The following RABGEF1 variants were observed in gnomAD, a reference collection of about 807,000 sequenced individuals.
RABGEF1 encodes the protein rab5 GDP/GTP exchange factor.
A neutral mutation model predicts 57.3 loss-of-function variants in RABGEF1; 26 were observed. The observed-to-expected ratio is 0.45, with a 90% confidence interval of 0.33 to 0.63. The LOEUF is 0.63. Among genes scored for constraint, RABGEF1 ranks in the 20% least tolerant of loss-of-function variants. RABGEF1 has a pLI of 0.02. For missense variants in RABGEF1, 464 were observed against 607.6 expected (o/e 0.76, Z 2.48); for synonymous variants, 185 against 210.7 (o/e 0.88, Z 1.06).
chr7:66,734,690 C>T (rs1442462769), intron 2 of RABGEF1, among the ~76,000 whole-genome samples: 2 of 151,634 alleles, frequency 1.3e-5, no homozygotes, highest in African/African-American at 4.9e-5. Context: ...ACCTTGGCCT[C>T]CTAAACTGCT....
rs1363564575 is a variant in RABGEF1, at chr7:66,690,400, G to A, written c.-873+8142G>A. 4.0e-5 allele frequency among the ~76,000 whole-genome samples: 6 copies of A among 149,286 alleles called. No individual in the cohort carries two copies. The East Asian group carries it at 1.2e-3, about 31-fold the overall frequency. On this transcript the variant is annotated intron_variant and NMD_transcript_variant, in intron 1 of 9. Coordinates refer to the RABGEF1 transcript ENST00000607882. The stretch of plus-strand genomic sequence containing the variant: ...AGGCGTGAGCCATCGCGCCCGGCCT[G>A]ATAAAAAATTCTTAAGTAAACACTG...
intron 2 of RABGEF1, among the ~76,000 whole-genome samples, chr7:66,720,252 C>T (rs1462873522): frequency 6.8e-6 from 1 of 146,634 alleles, no homozygotes; most frequent in African/African-American, 2.5e-5. Flanking sequence ...GGTTGGAGTG[C>T]AGTGGCGCGA....
chr7:66,655,440 G>T, the RABGEF1 span, among the ~76,000 whole-genome samples: 2 of 152,196 alleles, frequency 1.3e-5, no homozygotes, highest in Admixed American at 6.5e-5. Flanking sequence ...GATTAAATAG[G>T]AAATTTTCCC....
At chr7:66,682,027 G>A (rs532296800), upstream of RABGEF1, 89 of 163,926 alleles carry the variant, frequency 5.4e-4, 1 homozygote, top group South Asian at 0.012. Context: ...TTTGGATCCC[G>A]CTCGCACTTC....
the RABGEF1 span, among the ~76,000 whole-genome samples, chr7:66,674,655 G>A: frequency 6.6e-6 from 1 of 151,926 alleles, no homozygotes; most frequent in Non-Finnish European, 1.5e-5. Flanking sequence ...ACAATATGGT[G>A]GATAAATTTC....
At chr7:66,690,805 C>A (rs760169546) in intron 1 of RABGEF1, among the ~76,000 whole-genome samples, 1 of 151,460 alleles carries the variant, frequency 6.6e-6, no homozygotes, top group East Asian at 1.9e-4. Flanking sequence ...TGTATAAGGC[C>A]AGGTGCGGTG....
intron 8 of RABGEF1, among the ~76,000 whole-genome samples, chr7:66,806,613 G>A (rs2129193503): frequency 6.8e-6 from 1 of 148,090 alleles, no homozygotes; most frequent in Middle Eastern, 3.6e-3. Context: ...GGCCCATATA[G>A]AATGAGATTA....
rs766616613 is a variant in RABGEF1, at chr7:66,775,359, C to T, written c.312C>T (p.Phe104=). The stretch of plus-strand genomic sequence containing the variant: ...GCAAGGTTACCACAGTGAAGAAATT[C>T]TTCAGTGCATCTTCCAGGGTCGGAT... ...KTRKVTTVKK[F]FSASSRVGSK... Residue 104 remains phenylalanine, a synonymous_variant, in exon 3 of 9, where the codon TTC becomes TTT. Transcript: ENST00000284957. The T allele has an allele frequency of 4.3e-6, 7 of 1,613,908 alleles. No homozygotes were observed. Among genetic ancestry groups the T allele is most frequent in the Non-Finnish European group, 5.9e-6 (7 of 1,179,836 alleles).
At chr7:66,705,443 AAGAGAGAGAGAGAGAG>A (rs57856916) in intron 1 of RABGEF1, among the ~76,000 whole-genome samples, 28 of 66,370 alleles carry the variant, frequency 4.2e-4, no homozygotes, top group Admixed American at 1.9e-4. Flanking sequence ...TCTCGAAAGA[AAGAGAGAGAGAGAGAG>A]AGAGAGAGAG....
chr7:66,805,338 G>A lies in RABGEF1; in HGVS notation c.1019G>A (p.Arg340His), dbSNP rs756436887. 5 of 1,614,156 alleles carry A rather than the reference G, an allele frequency of 3.1e-6. No homozygotes were observed. The South Asian group carries it at 4.4e-5, about 14-fold the overall frequency. ...CAGTCTAATATCCAGTATATCACGC[G>A]CTTCTGCAATCCAAGCCGACTGATG... ...RLQSNIQYITRFCNPSRLMTG... is the reference protein window; with the variant it reads ...RLQSNIQYITHFCNPSRLMTG... Residue 340 changes from arginine to histidine, a missense_variant, in exon 8 of 9, where the codon CGC becomes CAC. By Grantham distance (29) the Arg-to-His change is conservative. Coordinates refer to ENST00000284957, the MANE Select transcript of RABGEF1 (RefSeq NM_014504.3).
chr7:66,726,593 T>C lies in RABGEF1; in HGVS notation c.-814-13403T>C, dbSNP rs559421387. The stretch of plus-strand genomic sequence containing the variant: ...TGCCCAGGCTGGTCTGAAACTCCTG[T>C]TGGGCTCAAGTAATCCCCCGACCTC... On this transcript the variant is annotated intron_variant and NMD_transcript_variant, in intron 2 of 9. Transcript: ENST00000607882. Among the ~76,000 whole-genome samples, 20 of 152,068 alleles carry C rather than the reference T, an allele frequency of 1.3e-4. No individual in the cohort carries two copies. In the South Asian group the frequency reaches 4.1e-3, roughly 32 times the overall value.
chr7:66,674,956 TA>T, the RABGEF1 span, among the ~76,000 whole-genome samples: 1 of 150,858 alleles, frequency 6.6e-6, no homozygotes, highest in African/African-American at 2.4e-5. Flanking sequence ...TAAAACTATA[TA>T]TATATATATA....
At chr7:66,671,287 T>A in the RABGEF1 span, among the ~76,000 whole-genome samples, 1 of 152,146 alleles carries the variant, frequency 6.6e-6, no homozygotes, top group African/African-American at 2.4e-5. Context: ...TCAAGCAGTC[T>A]TCTCCCCTCA....
chr7:66,757,252 A>C (rs1302072322), intron 1 of RABGEF1, among the ~76,000 whole-genome samples: 1 of 152,040 alleles, frequency 6.6e-6, no homozygotes, highest in Admixed American at 6.6e-5. Context: ...ATTATGACTG[A>C]TATCTTTTTT....
At chr7:66,694,137 G>C (rs1791969217) in intron 1 of RABGEF1, among the ~76,000 whole-genome samples, 1 of 152,170 alleles carries the variant, frequency 6.6e-6, no homozygotes, top group Non-Finnish European at 1.5e-5. Context: ...CTCTCCCTCT[G>C]CTCCAAGCCT....
At chr7:66,795,074 G>A (rs1034849795) in intron 4 of RABGEF1, among the ~76,000 whole-genome samples, 3 of 152,206 alleles carry the variant, frequency 2.0e-5, no homozygotes, top group African/African-American at 7.2e-5. Context: ...GTTTTGGGAA[G>A]TTTGCACCAT....
chr7:66,668,704 T>A, the RABGEF1 span: 2 of 152,268 alleles, frequency 1.3e-5, no homozygotes, highest in African/African-American at 4.8e-5. Flanking sequence ...GAGAGGGACA[T>A]TTGTGGACCC....
At chr7:66,724,140 A>C (rs1796341151) in intron 2 of RABGEF1, among the ~76,000 whole-genome samples, 1 of 152,016 alleles carries the variant, frequency 6.6e-6, no homozygotes. Flanking sequence ...ATTATAGGTT[A>C]ACAGCTTTTT....
chr7:66,699,015 C>T (rs546759300), intron 1 of RABGEF1, among the ~76,000 whole-genome samples: 2 of 152,314 alleles, frequency 1.3e-5, no homozygotes, highest in South Asian at 2.1e-4. Flanking sequence ...CCACATGCAG[C>T]GCTGGGACCT....
Sources: allele counts gnomAD v4.1 joint callset (sites outside exome capture counted in the v4.1 genomes callset), GRCh38; gene constraint gnomAD v4.1.1; transcripts MANE v1.5; gene names NCBI Gene and HGNC (gene_info 2026-07-23, HGNC 2026-07-21).